GRAMD1B: variants seen among roughly 807,000 people sequenced by gnomAD.
The protein encoded by GRAMD1B is protein Aster-B.
Under a neutral mutation model 99.7 loss-of-function variants are expected in GRAMD1B, and 37 were observed. The ratio of observed to expected loss-of-function variants is 0.37; its 90% CI spans 0.29 to 0.49. The LOEUF (loss-of-function observed/expected upper bound fraction) is 0.49. Among genes scored for constraint, GRAMD1B ranks in the 20% least tolerant of loss-of-function variants. The probability of loss-of-function intolerance (pLI) is 0.98; values close to 1 mark genes in which losing one functional copy is unlikely to be tolerated. For missense variants in GRAMD1B, 888 were observed against 1,009.2 expected (o/e 0.88, Z 1.63); for synonymous variants, 427 against 387.6 (o/e 1.10, Z -1.19).
At chr11:123,568,463 A>T (rs1947652684) in intron 2 of GRAMD1B, among the ~76,000 whole-genome samples, 1 of 152,232 alleles carries the variant, frequency 6.6e-6, no homozygotes, top group Non-Finnish European at 1.5e-5. Context: ...CAAGATCCCC[A>T]TTTGGAAAGG....
chr11:123,565,011 A>G (rs1947187066), intron 2 of GRAMD1B, among the ~76,000 whole-genome samples: 1 of 152,120 alleles, frequency 6.6e-6, no homozygotes, highest in African/African-American at 2.4e-5. Context: ...CAAGTTTATT[A>G]TATACTTTTA....
chr11:123,398,686 A>C (rs772613835), intron 1 of GRAMD1B, among the ~76,000 whole-genome samples: 13 of 152,260 alleles, frequency 8.5e-5, no homozygotes, highest in Non-Finnish European at 1.9e-4. Context: ...AATGTCACTA[A>C]GTTTCTTTTC....
intron 2 of GRAMD1B, among the ~76,000 whole-genome samples, chr11:123,554,168 T>C (rs1403312539): frequency 1.3e-5 from 2 of 152,146 alleles, no homozygotes; most frequent in East Asian, 1.9e-4. Context: ...TTCCATAAAG[T>C]AGGGTCAGTG....
At position 123,492,668 on chromosome 11, in the gene GRAMD1B, G is replaced by C. The variant is rs1298507704; in HGVS notation, c.452+11775G>C. On this transcript the variant is annotated intron_variant, in intron 2 of 19. Transcript: ENST00000635736. This position sits in a 1 kb window ranked among gnomAD's most constrained non-coding sequence, Gnocchi z 4.2. ...AGAGGATCATGTAAACTTATGGGCA[G>C]GTTTGTGTGTTTTTGCTTTTGTTTT... Among the ~76,000 whole-genome samples, 1 of 152,118 alleles carries C rather than the reference G, an allele frequency of 6.6e-6. No homozygotes were observed. Among genetic ancestry groups the C allele is most frequent in the Non-Finnish European group, 1.5e-5 (1 of 68,028 alleles).
chr11:123,618,193 C>T (rs951437544), intron 17 of GRAMD1B, among the ~76,000 whole-genome samples: 13 of 152,092 alleles, frequency 8.5e-5, no homozygotes, highest in African/African-American at 1.9e-4. Flanking sequence ...CTTGCTGGGT[C>T]GTCTCATCCA....
chr11:123,574,689 G>C (rs1485053914), intron 2 of GRAMD1B, among the ~76,000 whole-genome samples: 1 of 152,200 alleles, frequency 6.6e-6, no homozygotes, highest in Non-Finnish European at 1.5e-5. Context: ...CCAGCTCTGT[G>C]TTCAGTGTGG....
At chr11:123,454,642 C>G (rs1484006300) in intron 1 of GRAMD1B, 1 of 152,230 alleles carries the variant, frequency 6.6e-6, no homozygotes, top group East Asian at 1.9e-4. Flanking sequence ...ACTTTGATGT[C>G]AGCTTAAGCA....
chr11:123,497,868 C>G (rs1192892785), intron 2 of GRAMD1B, among the ~76,000 whole-genome samples: 2 of 150,304 alleles, frequency 1.3e-5, no homozygotes, highest in African/African-American at 4.9e-5. Context: ...GCCACCACTC[C>G]CCAGCCTGGG....
chr11:123,543,362 G>T (rs571843904), intron 2 of GRAMD1B, among the ~76,000 whole-genome samples: 1 of 152,300 alleles, frequency 6.6e-6, no homozygotes, highest in Non-Finnish European at 1.5e-5. Flanking sequence ...CAGGAAGCTG[G>T]TAAAGAACAG....
Position 123,568,043 on chromosome 11 carries a change from C to T in GRAMD1B, c.453-9324C>T, listed in dbSNP as rs140090618. ...GACTATTTCTAGGTATTAAATTAGT[C>T]AGCTGGCTGCAAATGTTTTGGATGG... On this transcript the variant is annotated intron_variant, in intron 2 of 19. Coordinates refer to ENST00000635736, the MANE Select transcript of GRAMD1B (RefSeq NM_001387025.1). Among the ~76,000 whole-genome samples, 671 of 152,256 alleles carry T rather than the reference C, an allele frequency of 4.4e-3. 7 individuals are homozygous for T. The highest frequency in any genetic ancestry group is 0.013 in the African/African-American group (544 of 41,542).
At chr11:123,383,813 T>C (rs1286479610) in intron 1 of GRAMD1B, among the ~76,000 whole-genome samples, 2 of 151,398 alleles carry the variant, frequency 1.3e-5, no homozygotes, top group Admixed American at 6.6e-5. Flanking sequence ...TATATGAATA[T>C]ATATTTCTTT....
intron 2 of GRAMD1B, among the ~76,000 whole-genome samples, chr11:123,570,421 C>CTTTTTTT (rs755038860): frequency 9.2e-5 from 12 of 130,574 alleles, no homozygotes; most frequent in African/African-American, 2.0e-4. Context: ...TTTTTCTTTT[C>CTTTTTTT]TTTTTTTTTT....
chr11:123,529,624 T>C (rs1287365178), intron 2 of GRAMD1B, among the ~76,000 whole-genome samples: 3 of 152,304 alleles, frequency 2.0e-5, no homozygotes, highest in Non-Finnish European at 4.4e-5. Flanking sequence ...GGCCCAAGAC[T>C]CTGTGGGGCA....
rs189737056 is a variant in GRAMD1B at position 123,579,376 on chromosome 11, C to T, written c.663+1799C>T. 1.6e-3 allele frequency among the ~76,000 whole-genome samples: 247 copies of T among 152,264 alleles called. 2 individuals carry two copies. In the Middle Eastern group the frequency reaches 0.017, roughly 10 times the overall value. On this transcript the variant is annotated intron_variant, in intron 3 of 19. Coordinates refer to ENST00000635736, the MANE Select transcript of GRAMD1B (RefSeq NM_001387025.1). ...CCTTTCCTAAGGGAAGCACAAGGGG[C>T]GACACGGCTAATCCTGTAGTCTGTG...
At chr11:123,569,110 C>T (rs1338361961) in intron 2 of GRAMD1B, among the ~76,000 whole-genome samples, 3 of 96,548 alleles carry the variant, frequency 3.1e-5, no homozygotes, top group Admixed American at 1.2e-4. Context: ...GGTGGACAGT[C>T]GTGTCATCTC....
chr11:123,578,481 G>A (rs1948979241), intron 3 of GRAMD1B: 4 of 1,316,738 alleles, frequency 3.0e-6, no homozygotes, highest in Non-Finnish European at 4.2e-6. Flanking sequence ...GTGTCGATCT[G>A]TCTGTAGTGC....
In GRAMD1B at chr11:123,625,936, A is replaced by AGAG; in HGVS notation, c.*3341_*3342insGAG. Reference sequence around the variant, plus strand: ...TAGGAGGGCTGGGGAGGCCCAGTGGAAGAGAGAGAGAGAGAGAGAGAGAGA... The same window carrying AGAG: ...TAGGAGGGCTGGGGAGGCCCAGTGGAGAGAGAGAGAGAGAGAGAGAGAGAGAGA... On this transcript the variant is annotated 3_prime_UTR_variant, in exon 20 of 20. Coordinates refer to ENST00000635736, the MANE Select transcript of GRAMD1B (RefSeq NM_001387025.1). 9.6e-6 allele frequency: 1 copy of AGAG among 104,214 alleles called. No homozygotes were observed. The highest frequency in any genetic ancestry group is 2.0e-5 in the Non-Finnish European group (1 of 49,714). 6.5% of individuals were successfully genotyped at this position (104,214 alleles called of 1,614,324 possible). A position where few individuals can be genotyped will look rare whatever the true frequency, so the allele number is the denominator to read the frequency against.
intron 1 of GRAMD1B, among the ~76,000 whole-genome samples, chr11:123,421,085 T>C (rs981674200): frequency 2.0e-5 from 3 of 152,194 alleles, no homozygotes; most frequent in Admixed American, 6.5e-5. Flanking sequence ...TTTTAGTAAG[T>C]AGTGATGTTC....
At chr11:123,429,901 T>C (rs1591508917), upstream of GRAMD1B, among the ~76,000 whole-genome samples, 2 of 152,232 alleles carry the variant, frequency 1.3e-5, no homozygotes, top group Non-Finnish European at 2.9e-5. This position sits in a 1 kb window ranked among gnomAD's most constrained non-coding sequence, Gnocchi z 4.0. Context: ...AGACAAGAGC[T>C]AGTTGAAAAG....
Sources: gnomAD v4.1 joint callset for allele counts (sites outside exome capture counted in the v4.1 genomes callset) on GRCh38, gnomAD v4.1.1 for gene constraint, Gnocchi (gnomAD v3.1) non-coding constraint, MANE v1.5 for transcripts, NCBI Gene and HGNC (gene_info 2026-07-23, HGNC 2026-07-21) for gene names.